Variants in STX8 observed in about 807,000 individuals in gnomAD.
STX8 encodes syntaxin 8.
In STX8, 23 loss-of-function variants were observed where a neutral mutation model predicts 37.5. That is an observed-to-expected ratio of 0.61 (90% CI 0.44 to 0.87). The LOEUF is 0.87. STX8 is among the 40% of genes least tolerant of loss of function. The pLI, the probability that STX8 is intolerant of heterozygous loss-of-function variation, is 0.00. For missense variants in STX8, 313 were observed against 284.7 expected (o/e 1.10, Z -0.71); for synonymous variants, 115 against 99.1 (o/e 1.16, Z -0.95).
chr17:9,570,725 TACATATA>T (rs1907658723), intron 1 of STX8, among the ~76,000 whole-genome samples: 1 of 152,104 alleles, frequency 6.6e-6, no homozygotes, highest in African/African-American at 2.4e-5. Flanking sequence ...GTCCAGACCA[TACATATA>T]AAAATCATCC....
chr17:9,442,491 C>T (rs1027072329), intron 6 of STX8, among the ~76,000 whole-genome samples: 2 of 152,190 alleles, frequency 1.3e-5, no homozygotes, highest in Non-Finnish European at 2.9e-5. Flanking sequence ...ACCGCAACCT[C>T]CGCCTCCTGG....
intron 6 of STX8, among the ~76,000 whole-genome samples, chr17:9,467,598 A>G (rs140146662): frequency 1.6e-3 from 239 of 152,306 alleles, no homozygotes; most frequent in African/African-American, 5.5e-3. Flanking sequence ...AAGAGGAAAC[A>G]GGGAAGAAAA....
intron 6 of STX8, among the ~76,000 whole-genome samples, chr17:9,488,438 G>A: frequency 6.6e-6 from 1 of 152,152 alleles, no homozygotes; most frequent in East Asian, 1.9e-4. Context: ...GAGCCATTAA[G>A]CTTGTAGATG....
chr17:9,276,533 G>A (rs1050022060), intron 7 of STX8, among the ~76,000 whole-genome samples: 2 of 151,990 alleles, frequency 1.3e-5, no homozygotes, highest in African/African-American at 2.4e-5. Context: ...CATCACTTCC[G>A]AAATTAGAAC....
chr17:9,505,923 C>T (rs1904804749), intron 4 of STX8, among the ~76,000 whole-genome samples: 1 of 124,972 alleles, frequency 8.0e-6, no homozygotes, highest in South Asian at 2.6e-4. Flanking sequence ...GCCTGGGTAG[C>T]GGAGCAAGAC....
intron 4 of STX8, among the ~76,000 whole-genome samples, chr17:9,530,209 G>A (rs868519088): frequency 3.7e-4 from 56 of 151,784 alleles, no homozygotes; most frequent in African/African-American, 1.3e-3. Context: ...AACTCGGGAG[G>A]CTGAGGCAGG....
intron 7 of STX8, among the ~76,000 whole-genome samples, chr17:9,272,664 G>A (rs745479322): frequency 1.3e-5 from 2 of 152,202 alleles, no homozygotes; most frequent in Non-Finnish European, 2.9e-5. Flanking sequence ...TTCGAACACC[G>A]TGGGTGAGGA....
intron 5 of STX8, among the ~76,000 whole-genome samples, chr17:9,493,884 C>CA (rs568502305): frequency 1.1e-3 from 161 of 152,204 alleles, no homozygotes; most frequent in Non-Finnish European, 1.9e-3. Context: ...TGCCCAAACA[C>CA]AGAGATGTTT....
intron 7 of STX8, among the ~76,000 whole-genome samples, chr17:9,329,396 C>T (rs1215541904): frequency 1.3e-5 from 2 of 152,184 alleles, no homozygotes; most frequent in Non-Finnish European, 2.9e-5. Flanking sequence ...GAACTCCTGG[C>T]TGAAACTAAA....
chr17:9,458,166 T>C lies in STX8; in HGVS notation c.541+33663A>G, dbSNP rs55807461. Among the ~76,000 whole-genome samples the C allele has an allele frequency of 3.5e-3, 530 of 152,346 alleles. 1 individual carries two copies. Among genetic ancestry groups the C allele is most frequent in the South Asian group, 0.015 (72 of 4,828 alleles). On this transcript the variant is annotated intron_variant, in intron 6 of 7. Coordinates refer to ENST00000306357, the MANE Select transcript of STX8 (RefSeq NM_004853.3). ...TATGCTGGCTTTTAATTTTATTTTT[T>C]TGAGATGGAGTCTCGCTCTGTCGTC...
chr17:9,533,012 T>C (rs1905878741), intron 4 of STX8, among the ~76,000 whole-genome samples: 1 of 152,228 alleles, frequency 6.6e-6, no homozygotes, highest in Non-Finnish European at 1.5e-5. Context: ...CTATCAGTCC[T>C]TGCACCAAAT....
intron 6 of STX8, among the ~76,000 whole-genome samples, chr17:9,389,849 T>G (rs1056716004): frequency 6.6e-5 from 10 of 152,164 alleles, no homozygotes; most frequent in African/African-American, 2.2e-4. Flanking sequence ...GATATCATAC[T>G]CAAATTTATC....
At chr17:9,372,294 T>C (rs1911431506) in intron 7 of STX8, among the ~76,000 whole-genome samples, 1 of 151,666 alleles carries the variant, frequency 6.6e-6, no homozygotes, top group African/African-American at 2.4e-5. Context: ...AGTTTAGTTC[T>C]GGTTCACTTT....
At chr17:9,496,065 TTTTC>T (rs950714412) in intron 5 of STX8, among the ~76,000 whole-genome samples, 6 of 96,874 alleles carry the variant, frequency 6.2e-5, no homozygotes, top group South Asian at 4.0e-4. Context: ...TGCAGTTTCT[TTTTC>T]TTTCTCTTTT....
At chr17:9,417,302 T>C (rs1913237241) in intron 6 of STX8, among the ~76,000 whole-genome samples, 2 of 152,154 alleles carry the variant, frequency 1.3e-5, no homozygotes, top group African/African-American at 4.8e-5. Context: ...AGCTTTAGTA[T>C]ATTTTTTTCC....
chr17:9,478,262 A>C (rs1254727682), intron 6 of STX8, among the ~76,000 whole-genome samples: 1 of 152,092 alleles, frequency 6.6e-6, no homozygotes, highest in Non-Finnish European at 1.5e-5. Context: ...CAGCCTCCTG[A>C]GTAGCTGGGA....
intron 7 of STX8, among the ~76,000 whole-genome samples, chr17:9,263,377 G>C (rs900875254): frequency 7.2e-5 from 11 of 151,780 alleles, no homozygotes; most frequent in African/African-American, 2.7e-4. Flanking sequence ...CTACTTGGGA[G>C]GCTGAGGCAG....
chr17:9,361,212 A>C (rs1911051666), intron 7 of STX8, among the ~76,000 whole-genome samples: 1 of 152,246 alleles, frequency 6.6e-6, no homozygotes, highest in East Asian at 1.9e-4. Context: ...TAAAGAAAAA[A>C]AAATTATTAA....
At chr17:9,397,623 T>C (rs1306767669) in intron 6 of STX8, among the ~76,000 whole-genome samples, 1 of 152,012 alleles carries the variant, frequency 6.6e-6, no homozygotes, top group Non-Finnish European at 1.5e-5. Flanking sequence ...AACAACAAAA[T>C]TGTTTTGAAT....
Sources: allele counts gnomAD v4.1 joint callset (sites outside exome capture counted in the v4.1 genomes callset), GRCh38; gene constraint gnomAD v4.1.1; transcripts MANE v1.5; gene names NCBI Gene and HGNC (gene_info 2026-07-23, HGNC 2026-07-21).